The following ZNF730 variants were observed in gnomAD, a reference collection of about 807,000 sequenced individuals.
ZNF730 encodes zinc finger protein 730.
Under a neutral mutation model 12.6 loss-of-function variants are expected in ZNF730, and 12 were observed. The observed-to-expected ratio is 0.95, with a 90% confidence interval of 0.61 to 1.54. The LOEUF (loss-of-function observed/expected upper bound fraction) is 1.54. ZNF730 is among the 40% of genes most tolerant of loss of function. ZNF730 has a pLI of 0.00. For missense variants in ZNF730, 643 were observed against 583.5 expected, an observed-to-expected ratio of 1.10 and a Z score of -1.05; for synonymous variants, 194 against 195.8, an observed-to-expected ratio of 0.99 and a Z score of 0.08.
intron 3 of ZNF730, among the ~76,000 whole-genome samples, chr19:23,140,607 T>TAAA (rs35291458): frequency 7.8e-6 from 1 of 128,872 alleles, no homozygotes; most frequent in Admixed American, 8.2e-5. Flanking sequence ...GACTCGGTCT[T>TAAA]AAAAAAAAAA....
At chr19:23,108,561 G>A (rs1375666961) in intron 1 of ZNF730, among the ~76,000 whole-genome samples, 1 of 150,702 alleles carries the variant, frequency 6.6e-6, no homozygotes, top group Non-Finnish European at 1.5e-5. Flanking sequence ...AGAATAAAAT[G>A]TCTTCTTAGC....
intron 1 of ZNF730, among the ~76,000 whole-genome samples, chr19:23,117,383 A>G (rs981690372): frequency 1.3e-5 from 2 of 152,098 alleles, no homozygotes; most frequent in Admixed American, 1.3e-4. Flanking sequence ...TCTTCCCTGC[A>G]CTGTGACTGT....
chr19:23,127,462 T>A (rs964948406), intron 1 of ZNF730: 1 of 1,105,186 alleles, frequency 9.0e-7, no homozygotes, highest in East Asian at 2.4e-5. Flanking sequence ...CTTCTCCTTC[T>A]CCAAGCTTCT....
At chr19:23,105,021 A>G (rs1227066804) in intron 1 of ZNF730, among the ~76,000 whole-genome samples, 1 of 152,132 alleles carries the variant, frequency 6.6e-6, no homozygotes, top group African/African-American at 2.4e-5. Flanking sequence ...CTATGTAGAG[A>G]TAGTCATTTT....
chr19:23,127,511 G>A, intron 1 of ZNF730: 1 of 948,758 alleles, frequency 1.1e-6, no homozygotes, highest in Non-Finnish European at 1.7e-6. Flanking sequence ...AGCTCTTGGT[G>A]GTGCTGGTGG....
intron 3 of ZNF730, among the ~76,000 whole-genome samples, chr19:23,139,574 G>A (rs1176584632): frequency 6.6e-6 from 1 of 151,704 alleles, no homozygotes; most frequent in East Asian, 1.9e-4. Flanking sequence ...TCCCAGGCTG[G>A]AGTGCAGTGG....
In ZNF730 at chr19:23,126,082, G is replaced by A. The variant is rs191312007; in HGVS notation, c.4-7998G>A. Among the ~76,000 whole-genome samples, 450 of 152,250 alleles carry A rather than the reference G, an allele frequency of 3.0e-3. 1 individual carries two copies. The highest frequency in any genetic ancestry group is 4.7e-3 in the Non-Finnish European group (323 of 68,026). ...AGTAGTTAAAAATAAGTCTGATTAA[G>A]ATGCTTTACCAGGATACATGAATGA... On this transcript the variant is annotated intron_variant, in intron 1 of 3. Transcript: ENST00000597761.
At chr19:23,142,079 G>C (rs578074544) in intron 3 of ZNF730, among the ~76,000 whole-genome samples, 2 of 152,058 alleles carry the variant, frequency 1.3e-5, no homozygotes, top group South Asian at 2.1e-4. Context: ...CACATACACA[G>C]AAACACACGT....
intron 1 of ZNF730, chr19:23,126,921 G>T (rs958997602): frequency 3.1e-5 from 16 of 523,500 alleles, no homozygotes; most frequent in African/African-American, 2.1e-4. Flanking sequence ...TTAAGGGTCA[G>T]AAAGTTTGAG....
chr19:23,094,063 C>T (rs889804786), intron 1 of ZNF730, among the ~76,000 whole-genome samples: 51 of 152,178 alleles, frequency 3.4e-4, no homozygotes, highest in Non-Finnish European at 1.3e-4. Flanking sequence ...TCACTGCTAC[C>T]TCCATCTTCC....
chr19:23,079,189 C>A (rs771685316), intron 1 of ZNF730, among the ~76,000 whole-genome samples: 2 of 152,084 alleles, frequency 1.3e-5, no homozygotes, highest in Non-Finnish European at 2.9e-5. Flanking sequence ...CAGAGTTTTG[C>A]TCTTGTTGCC....
upstream of ZNF730, among the ~76,000 whole-genome samples, chr19:23,112,878 G>A (rs1343232275): frequency 6.6e-6 from 1 of 152,226 alleles, no homozygotes; most frequent in African/African-American, 2.4e-5. Flanking sequence ...AGGTTAAAGA[G>A]CATTGCCAGG....
At chr19:23,106,720 G>GT (rs1306553813) in intron 1 of ZNF730, among the ~76,000 whole-genome samples, 1 of 151,256 alleles carries the variant, frequency 6.6e-6, no homozygotes, top group Non-Finnish European at 1.5e-5. Context: ...GAACCCAGAG[G>GT]TGTATGTTAT....
intron 3 of ZNF730, among the ~76,000 whole-genome samples, chr19:23,140,808 C>G (rs1447441866): frequency 1.3e-5 from 2 of 151,410 alleles, no homozygotes; most frequent in African/African-American, 4.9e-5. Flanking sequence ...AAAAATTGGC[C>G]AGGCATGGTG....
chr19:23,144,663 G>A (rs537818631), intron 3 of ZNF730, among the ~76,000 whole-genome samples: 10 of 133,494 alleles, frequency 7.5e-5, no homozygotes, highest in South Asian at 2.4e-4. Flanking sequence ...TTGCACCACC[G>A]CACTCCAGCC....
intron 2 of ZNF730, among the ~76,000 whole-genome samples, chr19:23,135,532 A>T (rs1490552226): frequency 2.6e-5 from 4 of 151,676 alleles, no homozygotes; most frequent in African/African-American, 9.7e-5. Flanking sequence ...TTTTTTGGAG[A>T]CAGAGTCTCA....
chr19:23,095,424 C>T (rs918343801), intron 1 of ZNF730: 3 of 398,490 alleles, frequency 7.5e-6, no homozygotes, highest in African/African-American at 6.2e-5. Flanking sequence ...TGATGTATCC[C>T]TGAACCCATC....
chr19:23,102,048 C>A (rs900020236), intron 1 of ZNF730, among the ~76,000 whole-genome samples: 2 of 152,204 alleles, frequency 1.3e-5, no homozygotes, highest in East Asian at 3.8e-4. Flanking sequence ...AAAATAGAGG[C>A]TCCTCCCTGG....
chr19:23,087,333 G>A (rs1031295569), intron 1 of ZNF730, among the ~76,000 whole-genome samples: 3 of 152,016 alleles, frequency 2.0e-5, no homozygotes, highest in African/African-American at 4.8e-5. Context: ...GCTTGAACCC[G>A]GGAGGCAGAG....
Sources: allele counts gnomAD v4.1 joint callset (sites outside exome capture counted in the v4.1 genomes callset), GRCh38; gene constraint gnomAD v4.1.1; transcripts MANE v1.5; gene names NCBI Gene and HGNC (gene_info 2026-07-23, HGNC 2026-07-21).